Variants in SPOCK3 observed in about 807,000 individuals in gnomAD.
SPOCK3 encodes the protein SPARC (osteonectin), cwcv and kazal like domains proteoglycan 3, also known as testican-3.
Under a neutral mutation model 56.6 loss-of-function variants are expected in SPOCK3, and 30 were observed. The observed-to-expected ratio is 0.53, with a 90% CI of 0.40 to 0.72. The LOEUF (loss-of-function observed/expected upper bound fraction) is 0.72, where lower values mean the gene tolerates loss of function less well. Among genes scored for constraint, SPOCK3 ranks in the 30% least tolerant of loss-of-function variants. SPOCK3 has a pLI of 0.00. For synonymous variants in SPOCK3, 196 were observed against 183.3 expected, an observed-to-expected ratio of 1.07 and a Z score of -0.56; for missense variants, 527 against 530.0, an observed-to-expected ratio of 0.99 and a Z score of 0.06.
At chr4:167,176,082 T>C (rs1007535461) in intron 2 of SPOCK3, among the ~76,000 whole-genome samples, 4 of 152,088 alleles carry the variant, frequency 2.6e-5, no homozygotes, top group African/African-American at 9.7e-5. Context: ...GTTGTCTGCA[T>C]TCCTTGGTTC....
chr4:167,197,840 T>G (rs1489970929), intron 2 of SPOCK3, among the ~76,000 whole-genome samples: 45 of 152,200 alleles, frequency 3.0e-4, no homozygotes, highest in Admixed American at 2.9e-3. Flanking sequence ...ATTATTTTCT[T>G]CATTACCATT....
chr4:166,943,753 T>G (rs1335009931), intron 4 of SPOCK3, among the ~76,000 whole-genome samples: 1 of 152,234 alleles, frequency 6.6e-6, no homozygotes, highest in East Asian at 1.9e-4. Flanking sequence ...ATGCTTTTCA[T>G]GTAAACTCCA....
chr4:166,742,207 T>C (rs146003438), intron 8 of SPOCK3, 148 bp from the exon 9 acceptor site: 17 of 594,016 alleles, frequency 2.9e-5, no homozygotes, highest in Non-Finnish European at 4.8e-5. Context: ...GATACATTCA[T>C]ATAGGTACAT....
At chr4:167,088,329 A>C (rs1449474935) in intron 2 of SPOCK3, among the ~76,000 whole-genome samples, 1 of 152,174 alleles carries the variant, frequency 6.6e-6, no homozygotes, top group African/African-American at 2.4e-5. Flanking sequence ...TCAGTACCAC[A>C]CTGAGAATCA....
intron 6 of SPOCK3, among the ~76,000 whole-genome samples, chr4:166,847,478 A>C (rs1748172863): frequency 6.6e-6 from 1 of 151,634 alleles, no homozygotes; most frequent in South Asian, 2.1e-4. Flanking sequence ...TGCTCTGTTC[A>C]GGAATATGCA....
chr4:167,220,383 T>TC (rs1735788100), intron 2 of SPOCK3, among the ~76,000 whole-genome samples: 1 of 148,972 alleles, frequency 6.7e-6, no homozygotes, highest in Non-Finnish European at 1.5e-5. Flanking sequence ...AAGAACTTTT[T>TC]TTTTTTTTTT....
intron 8 of SPOCK3, among the ~76,000 whole-genome samples, chr4:166,744,373 CA>C (rs1357908301): frequency 6.6e-6 from 1 of 152,146 alleles, no homozygotes; most frequent in Non-Finnish European, 1.5e-5. Context: ...AAAACTCCAA[CA>C]AACCTGCCTC....
intron 4 of SPOCK3, among the ~76,000 whole-genome samples, chr4:166,931,206 T>G (rs530609662): frequency 6.6e-6 from 1 of 152,222 alleles, no homozygotes; most frequent in East Asian, 1.9e-4. Context: ...GGTCTCAAAC[T>G]CTTGACTTCA....
At chr4:167,198,065 G>A (rs1182348303) in intron 2 of SPOCK3, among the ~76,000 whole-genome samples, 1 of 152,032 alleles carries the variant, frequency 6.6e-6, no homozygotes, top group Non-Finnish European at 1.5e-5. Context: ...GTCCATGGCT[G>A]TATTTAATTC....
intron 4 of SPOCK3, among the ~76,000 whole-genome samples, chr4:166,982,796 A>G: frequency 6.6e-6 from 1 of 152,200 alleles, no homozygotes; most frequent in South Asian, 2.1e-4. Context: ...AGCCATATTT[A>G]TTTTTAGACC....
At chr4:166,986,091 T>C (rs1747129207) in intron 4 of SPOCK3, among the ~76,000 whole-genome samples, 1 of 152,342 alleles carries the variant, frequency 6.6e-6, no homozygotes, top group East Asian at 1.9e-4. Context: ...TAGATCTTCA[T>C]GTTTAAAAAA....
chr4:167,209,288 T>C (rs572073367), intron 2 of SPOCK3, among the ~76,000 whole-genome samples: 3 of 152,278 alleles, frequency 2.0e-5, no homozygotes, highest in African/African-American at 4.8e-5. Flanking sequence ...TTTGAAAATA[T>C]TATTTTTAAA....
intron 2 of SPOCK3, among the ~76,000 whole-genome samples, chr4:167,165,573 A>G (rs888570573): frequency 2.3e-4 from 35 of 152,142 alleles, no homozygotes; most frequent in African/African-American, 8.4e-4. Context: ...TAAACAAGAA[A>G]CAAGGTAAAA....
chr4:167,108,309 T>C (rs1301907790), intron 2 of SPOCK3, among the ~76,000 whole-genome samples: 1 of 151,908 alleles, frequency 6.6e-6, no homozygotes, highest in African/African-American at 2.4e-5. Flanking sequence ...GCTAGGTACA[T>C]ACCCAAAAGA....
chr4:166,786,308 A>T (rs562728219), intron 7 of SPOCK3, among the ~76,000 whole-genome samples: 1 of 152,308 alleles, frequency 6.6e-6, no homozygotes, highest in South Asian at 2.1e-4. Flanking sequence ...TGGAAGTCAC[A>T]GAGAAGTCAG....
At chr4:166,861,436 A>G (rs1249509261) in intron 6 of SPOCK3, among the ~76,000 whole-genome samples, 2 of 152,120 alleles carry the variant, frequency 1.3e-5, no homozygotes, top group Non-Finnish European at 2.9e-5. Context: ...GCAAATCCCA[A>G]TTTATTGAAT....
At chr4:166,997,763 T>C (rs1012048233) in intron 4 of SPOCK3, among the ~76,000 whole-genome samples, 3 of 152,162 alleles carry the variant, frequency 2.0e-5, no homozygotes, top group Non-Finnish European at 4.4e-5. Flanking sequence ...ATATATTGTA[T>C]TGGGAAGAGG....
rs868663554 is a variant in SPOCK3 at position 167,048,819 on chromosome 4, G to C, written c.235+13673C>G. Among the ~76,000 whole-genome samples, 3 of 151,798 alleles carry C rather than the reference G, an allele frequency of 2.0e-5. No individual in the cohort carries two copies. The South Asian group carries it at 6.3e-4, about 32-fold the overall frequency. ...ATTTTTATTTATCCTTGTAATTTTG[G>C]CACAATTAATTACACAATAATCATC... On this transcript the variant is annotated intron_variant, in intron 3 of 10. Coordinates refer to ENST00000357545, the MANE Select transcript of SPOCK3 (RefSeq NM_001040159.2).
chr4:166,809,626 G>T (rs1229808543), intron 6 of SPOCK3, among the ~76,000 whole-genome samples: 1 of 151,962 alleles, frequency 6.6e-6, no homozygotes, highest in African/African-American at 2.4e-5. Context: ...ATTCTTTCAG[G>T]TTTTGTTTTT....
Sources: allele counts gnomAD v4.1 joint callset (sites outside exome capture counted in the v4.1 genomes callset), GRCh38; gene constraint gnomAD v4.1.1; transcripts MANE v1.5; gene names NCBI Gene and HGNC (gene_info 2026-07-23, HGNC 2026-07-21).